The following LYPD6 variants were observed in gnomAD, a reference collection of about 807,000 sequenced individuals.
LYPD6 encodes the protein LY6/PLAUR domain containing 6, also known as ly6/PLAUR domain-containing protein 6.
In LYPD6, 15 loss-of-function variants were observed where a neutral mutation model predicts 22.7. The ratio of observed to expected loss-of-function variants is 0.66; its 90% CI spans 0.44 to 1.02. The LOEUF is 1.02. Ranked by LOEUF, LYPD6 falls within the 50% of genes least tolerant of loss-of-function variation. The probability of loss-of-function intolerance (pLI) is 0.00; values close to 1 mark genes in which losing one functional copy is unlikely to be tolerated. For missense variants in LYPD6, 189 were observed against 208.4 expected, an observed-to-expected ratio of 0.91 and a Z score of 0.57; for synonymous variants, 72 against 77.5, an observed-to-expected ratio of 0.93 and a Z score of 0.37.
intron 1 of LYPD6, among the ~76,000 whole-genome samples, chr2:149,366,715 C>T (rs1314079849): frequency 6.6e-6 from 1 of 152,120 alleles, no homozygotes; most frequent in African/African-American, 2.4e-5. Flanking sequence ...TTTATCAGGG[C>T]TCATAGAGTA....
intron 1 of LYPD6, among the ~76,000 whole-genome samples, chr2:149,345,143 A>G (rs1457846634): frequency 6.6e-6 from 1 of 152,132 alleles, no homozygotes; most frequent in Non-Finnish European, 1.5e-5. Context: ...AAGAGTAAGG[A>G]TTCACACTGA....
the LYPD6 span, among the ~76,000 whole-genome samples, chr2:149,482,656 T>C: frequency 1.3e-5 from 2 of 152,194 alleles, no homozygotes; most frequent in African/African-American, 2.4e-5. Context: ...TTTCTGTTGC[T>C]TGCCACCAAA....
chr2:149,397,816 A>G (rs1469379599), intron 1 of LYPD6, among the ~76,000 whole-genome samples: 1 of 152,216 alleles, frequency 6.6e-6, no homozygotes, highest in Non-Finnish European at 1.5e-5. Flanking sequence ...TGTTATTTTT[A>G]TCTAGAAGCT....
chr2:149,473,089 T>A lies in LYPD6; in HGVS notation c.*2239T>A, dbSNP rs556665737. On this transcript the variant is annotated 3_prime_UTR_variant, in exon 5 of 5. Transcript: ENST00000334166. ...GCTATAAGACAATGAAAGTTTGATG[T>A]TGTACATACCTACAAGTACCATTTT... The A allele has an allele frequency of 6.6e-6, 1 of 152,614 alleles. No homozygotes were observed. The highest frequency in any genetic ancestry group is 6.5e-5 in the Admixed American group (1 of 15,298). 9.5% of individuals were successfully genotyped at this position (152,614 alleles called of 1,614,324 possible). A position where few individuals can be genotyped will look rare whatever the true frequency, so the allele number is the denominator to read the frequency against.
intron 1 of LYPD6, among the ~76,000 whole-genome samples, chr2:149,343,575 A>G (rs1681201155): frequency 1.3e-5 from 2 of 152,044 alleles, no homozygotes; most frequent in Non-Finnish European, 2.9e-5. Flanking sequence ...TGGGTAACAT[A>G]CTCTTCCAGT....
chr2:149,428,667 T>G (rs1247274082), intron 1 of LYPD6, among the ~76,000 whole-genome samples: 1 of 152,226 alleles, frequency 6.6e-6, no homozygotes, highest in Non-Finnish European at 1.5e-5. Context: ...CTTAGCCATG[T>G]AAGAATGTGA....
chr2:149,429,184 A>T (rs1683249478), intron 1 of LYPD6, among the ~76,000 whole-genome samples: 1 of 152,172 alleles, frequency 6.6e-6, no homozygotes, highest in Admixed American at 6.5e-5. Flanking sequence ...GCCCTGGGCA[A>T]GTGGAATGGC....
intron 1 of LYPD6, among the ~76,000 whole-genome samples, chr2:149,418,953 C>G (rs1372764160): frequency 6.6e-6 from 1 of 152,204 alleles, no homozygotes; most frequent in East Asian, 1.9e-4. Flanking sequence ...AACCAGGCTG[C>G]TTCAATTCAA....
At chr2:149,330,419 G>C (rs541797501), upstream of LYPD6, 5 of 150,412 alleles carry the variant, frequency 3.3e-5, no homozygotes, top group African/African-American at 1.2e-4. Context: ...CGCGCGCCGG[G>C]CCAATGAGCG....
chr2:149,442,126 C>T (rs1015837242), intron 2 of LYPD6, among the ~76,000 whole-genome samples: 1 of 152,126 alleles, frequency 6.6e-6, no homozygotes, highest in African/African-American at 2.4e-5. Flanking sequence ...AAAAAAGATA[C>T]ATTTATTAGA....
At chr2:149,468,146 C>CACACACACACAA (rs1553446189) in intron 3 of LYPD6, among the ~76,000 whole-genome samples, 2 of 135,982 alleles carry the variant, frequency 1.5e-5, no homozygotes, top group Non-Finnish European at 3.0e-5. Flanking sequence ...CACACACACA[C>CACACACACACAA]ACACACACAC....
At chr2:149,405,368 C>G (rs1208623874) in intron 1 of LYPD6, among the ~76,000 whole-genome samples, 2 of 152,052 alleles carry the variant, frequency 1.3e-5, no homozygotes, top group African/African-American at 4.8e-5. Flanking sequence ...TGGTCCTGGA[C>G]CCTTTTTGGT....
chr2:149,430,169 G>A (rs1455048460), intron 1 of LYPD6, among the ~76,000 whole-genome samples: 3 of 152,110 alleles, frequency 2.0e-5, no homozygotes, highest in Admixed American at 6.6e-5. Context: ...GCGTGATCTC[G>A]GCTCACTGCA....
chr2:149,458,905 T>C (rs925500532), intron 3 of LYPD6, among the ~76,000 whole-genome samples: 3 of 152,016 alleles, frequency 2.0e-5, no homozygotes, highest in Non-Finnish European at 2.9e-5. Context: ...AGGTAGAAAA[T>C]AGGCTGAGGG....
chr2:149,401,506 G>T (rs1362668645), intron 1 of LYPD6, among the ~76,000 whole-genome samples: 3 of 152,176 alleles, frequency 2.0e-5, no homozygotes. Context: ...CCCAGGTGGG[G>T]TTAAGTGTCC....
intron 1 of LYPD6, among the ~76,000 whole-genome samples, chr2:149,395,182 G>A (rs191366746): frequency 1.6e-4 from 24 of 152,002 alleles, no homozygotes; most frequent in African/African-American, 5.8e-4. Flanking sequence ...TGGATCACAA[G>A]ACTCACCTTG....
rs147306765 is a variant in LYPD6 at position 149,410,346 on chromosome 2, T to C, written c.-71-27292T>C. ...GCCAGTATACGTGAATATTTGTATG[T>C]GTTTGTGATTTGTATCTAGGTGCAG... is the stretch of plus-strand genomic sequence containing the variant. On this transcript the variant is annotated intron_variant, in intron 1 of 4. Transcript: ENST00000334166. Among the ~76,000 whole-genome samples the C allele has an allele frequency of 2.2e-4, 33 of 152,300 alleles. No homozygotes were observed. In the East Asian group the frequency reaches 6.0e-3, roughly 28 times the overall value.
chr2:149,366,818 A>G (rs949148482), intron 1 of LYPD6, among the ~76,000 whole-genome samples: 2 of 152,196 alleles, frequency 1.3e-5, no homozygotes, highest in African/African-American at 2.4e-5. Context: ...AAATAAACCA[A>G]TGGAGCCTGC....
chr2:149,345,893 C>T (rs1216761175), intron 1 of LYPD6, among the ~76,000 whole-genome samples: 1 of 152,040 alleles, frequency 6.6e-6, no homozygotes, highest in African/African-American at 2.4e-5. Context: ...CTTGAGTTGC[C>T]TTAGTGAGGC....
Sources: allele counts gnomAD v4.1 joint callset (sites outside exome capture counted in the v4.1 genomes callset), GRCh38; gene constraint gnomAD v4.1.1; transcripts MANE v1.5; gene names NCBI Gene and HGNC (gene_info 2026-07-23, HGNC 2026-07-21).